SDK1: variants seen among roughly 807,000 people sequenced by gnomAD.
The protein encoded by SDK1 is protein sidekick-1.
SDK1 carries 157 observed loss-of-function variants against 245.5 expected under a neutral mutation model. The observed-to-expected ratio is 0.64, with a 90% CI of 0.56 to 0.73. The LOEUF is 0.73. Among genes scored for constraint, SDK1 ranks in the 30% least tolerant of loss-of-function variants. The pLI, the probability that SDK1 is intolerant of heterozygous loss-of-function variation, is 0.00. For missense variants in SDK1, 3,583 were observed against 3,002.3 expected (o/e 1.19, Z -4.52); for synonymous variants, 1,647 against 1,278.5 (o/e 1.29, Z -6.15).
chr7:4,194,851 A>C (rs1314687983), intron 35 of SDK1, among the ~76,000 whole-genome samples: 1 of 152,172 alleles, frequency 6.6e-6, no homozygotes, highest in Non-Finnish European at 1.5e-5. Flanking sequence ...CAATCCAATC[A>C]AGTTGACACT....
intron 32 of SDK1, among the ~76,000 whole-genome samples, chr7:4,167,293 A>G (rs1781556904): frequency 6.6e-6 from 1 of 152,032 alleles, no homozygotes; most frequent in Non-Finnish European, 1.5e-5. Flanking sequence ...AGGCTGAGGT[A>G]GGAGAATTGC....
At chr7:3,896,543 T>C (rs1781611008) in intron 5 of SDK1, among the ~76,000 whole-genome samples, 1 of 152,328 alleles carries the variant, frequency 6.6e-6, no homozygotes, top group African/African-American at 2.4e-5. Flanking sequence ...CCGCAGACTC[T>C]AAACTCTGGC....
At chr7:3,672,759 T>TATATATACA (rs1554307103) in intron 4 of SDK1, among the ~76,000 whole-genome samples, 610 of 50,616 alleles carry the variant, frequency 0.012, 20 homozygotes, top group East Asian at 0.033. Context: ...ATATATAATT[T>TATATATACA]TATATATATA....
rs774939044 is a variant in SDK1 at position 4,120,103 on chromosome 7, T to C, written c.3823+5829T>C. On this transcript the variant is annotated intron_variant, in intron 25 of 44. Coordinates refer to ENST00000404826, the MANE Select transcript of SDK1 (RefSeq NM_152744.4). ...TGAGTAAATAACTCTTAAAACAACATAAAGACATAAGATTGAAAATAGAGA... is the reference window on the plus strand; with the variant it reads ...TGAGTAAATAACTCTTAAAACAACACAAAGACATAAGATTGAAAATAGAGA... Among the ~76,000 whole-genome samples the C allele has an allele frequency of 7.4e-5, 10 of 134,944 alleles. 1 individual carries two copies. Among genetic ancestry groups the C allele is most frequent in the Non-Finnish European group, 8.3e-5 (5 of 60,472 alleles). 88.5% of individuals were successfully genotyped at this position (134,944 alleles called of 152,430 possible). A position where few individuals can be genotyped will look rare whatever the true frequency, so the allele number is the denominator to read the frequency against.
At chr7:3,873,421 T>A (rs1781004587) in intron 5 of SDK1, among the ~76,000 whole-genome samples, 1 of 152,068 alleles carries the variant, frequency 6.6e-6, no homozygotes, top group African/African-American at 2.4e-5. Context: ...AGATGTAGAG[T>A]TTGTGTTTTG....
At chr7:3,545,993 T>A (rs939992386) in intron 1 of SDK1, among the ~76,000 whole-genome samples, 1 of 152,224 alleles carries the variant, frequency 6.6e-6, no homozygotes, top group African/African-American at 2.4e-5. Flanking sequence ...CTATTGATAT[T>A]TCTGTCTTCA....
At chr7:3,707,997 A>AT (rs938071390) in intron 4 of SDK1, among the ~76,000 whole-genome samples, 15 of 151,650 alleles carry the variant, frequency 9.9e-5, no homozygotes, top group East Asian at 1.9e-4. Context: ...TGAGTAATTT[A>AT]TTTTTTTTTA....
rs1782743344 is a variant in SDK1 at position 4,184,053 on chromosome 7, T to C, written c.5098+5467T>C. 2.0e-5 allele frequency among the ~76,000 whole-genome samples: 3 copies of C among 152,226 alleles called. No individual in the cohort carries two copies. The South Asian group carries it at 6.2e-4, about 32-fold the overall frequency. On this transcript the variant is annotated intron_variant, in intron 35 of 44. Coordinates refer to ENST00000404826, the MANE Select transcript of SDK1 (RefSeq NM_152744.4). ...GAAAGCCAGTTCGCCATTCCCTTTC[T>C]AGCCTCTGCTTCTCGCAGCCCAAGT...
chr7:3,623,171 A>C (rs1348012896), intron 2 of SDK1, among the ~76,000 whole-genome samples: 1 of 151,928 alleles, frequency 6.6e-6, no homozygotes, highest in South Asian at 2.1e-4. Context: ...TACTTTTTCT[A>C]GCTTTGACTT....
chr7:3,377,936 G>A (rs1781394945), intron 1 of SDK1, among the ~76,000 whole-genome samples: 1 of 152,016 alleles, frequency 6.6e-6, no homozygotes, highest in Non-Finnish European at 1.5e-5. Flanking sequence ...ACGCCACCAT[G>A]CCCAGCTAAT....
At chr7:3,520,114 A>G (rs192927343) in intron 1 of SDK1, among the ~76,000 whole-genome samples, 1 of 152,186 alleles carries the variant, frequency 6.6e-6, no homozygotes, top group African/African-American at 2.4e-5. Flanking sequence ...GGCAAGTAAA[A>G]ATGCTAGATA....
At chr7:4,061,813 T>C (rs999950416) in intron 19 of SDK1, among the ~76,000 whole-genome samples, 2 of 151,824 alleles carry the variant, frequency 1.3e-5, no homozygotes, top group Admixed American at 6.6e-5. Context: ...TAAAAAATGA[T>C]GAATTCATGT....
chr7:3,832,760 C>G (rs150728814), intron 5 of SDK1, among the ~76,000 whole-genome samples: 74 of 152,130 alleles, frequency 4.9e-4, no homozygotes, highest in Non-Finnish European at 7.8e-4. Flanking sequence ...CTCTCTGATT[C>G]TTTGTTATTT....
At chr7:3,426,623 A>G (rs1161191187) in intron 1 of SDK1, among the ~76,000 whole-genome samples, 1 of 152,236 alleles carries the variant, frequency 6.6e-6, no homozygotes, top group Non-Finnish European at 1.5e-5. Flanking sequence ...TGTGGCCATT[A>G]TCAACATCTG....
In SDK1 at chr7:3,799,393, C is replaced by G. The variant is rs116923194; in HGVS notation, c.714-22057C>G. Among the ~76,000 whole-genome samples, 597 of 151,684 alleles carry G rather than the reference C, an allele frequency of 3.9e-3. 2 individuals carry two copies. The highest frequency in any genetic ancestry group is 6.0e-3 in the Non-Finnish European group (410 of 67,908). ...CACTTAGGCTTCTCGGTGTTGAAGG[C>G]ATACGAATATGTTAGACCCTGTTTA... On this transcript the variant is annotated intron_variant, in intron 4 of 44. Coordinates refer to ENST00000404826, the MANE Select transcript of SDK1 (RefSeq NM_152744.4).
intron 4 of SDK1, among the ~76,000 whole-genome samples, chr7:3,703,770 A>T (rs1010531959): frequency 1.3e-5 from 2 of 152,216 alleles, no homozygotes; most frequent in Non-Finnish European, 2.9e-5. Context: ...GACTTCTCCA[A>T]TGTCCTTCAA....
At chr7:3,398,319 G>A (rs1778780689) in intron 1 of SDK1, among the ~76,000 whole-genome samples, 1 of 152,100 alleles carries the variant, frequency 6.6e-6, no homozygotes, top group African/African-American at 2.4e-5. Context: ...GTGATAAGGT[G>A]TTGCGGAGAG....
intron 1 of SDK1, among the ~76,000 whole-genome samples, chr7:3,587,868 C>G (rs1255270741): frequency 1.3e-5 from 2 of 152,222 alleles, no homozygotes; most frequent in Non-Finnish European, 2.9e-5. Context: ...GCCAGATCTT[C>G]TCCTGTGTGT....
At chr7:3,973,540 T>A (rs73038429) in intron 12 of SDK1, among the ~76,000 whole-genome samples, 80 of 152,306 alleles carry the variant, frequency 5.3e-4, no homozygotes, top group Non-Finnish European at 1.1e-3. Context: ...GCCAGAATGG[T>A]CACATTTTAA....
Sources: allele counts gnomAD v4.1 joint callset (sites outside exome capture counted in the v4.1 genomes callset), GRCh38; gene constraint gnomAD v4.1.1; transcripts MANE v1.5; gene names NCBI Gene and HGNC (gene_info 2026-07-23, HGNC 2026-07-21).